NCOA7: variants seen among roughly 807,000 people sequenced by gnomAD.
The protein encoded by NCOA7 is 140 kDa estrogen receptor-associated protein.
NCOA7 carries 45 observed loss-of-function variants against 104.3 expected under a neutral mutation model. That is an observed-to-expected ratio of 0.43 (90% CI 0.34 to 0.55). NCOA7 has a LOEUF of 0.55. Among genes scored for constraint, NCOA7 ranks in the 20% least tolerant of loss-of-function variants. NCOA7 has a pLI of 0.02. For missense variants in NCOA7, 1,041 were observed against 1,119.7 expected, an observed-to-expected ratio of 0.93 and a Z score of 1.00; for synonymous variants, 398 against 402.3, an observed-to-expected ratio of 0.99 and a Z score of 0.13.
chr6:125,920,814 T>A, intron 11 of NCOA7, 129 bp from the exon 12 acceptor site: 1 of 1,184,400 alleles, frequency 8.4e-7, no homozygotes, highest in Admixed American at 2.5e-5. Flanking sequence ...CCCAAAGTCC[T>A]GTTCAGTTGA....
intron 1 of NCOA7, among the ~76,000 whole-genome samples, chr6:125,791,304 T>TG (rs1432097939): frequency 6.6e-6 from 1 of 152,018 alleles, no homozygotes; most frequent in African/African-American, 2.4e-5. Context: ...GCCCACCCCT[T>TG]GGGGGGCTCG....
chr6:125,875,124 C>G (rs779715212), intron 4 of NCOA7, 156 bp downstream of exon 4: 18 of 523,602 alleles, frequency 3.4e-5, no homozygotes, highest in Non-Finnish European at 6.2e-5. Flanking sequence ...TCTTTTTCCT[C>G]CATATTTTCT....
chr6:125,881,268 A>T, intron 6 of NCOA7, 65 bp downstream of exon 6: 4 of 1,178,404 alleles, frequency 3.4e-6, no homozygotes, highest in African/African-American at 3.0e-5. Context: ...GTAGAATTCA[A>T]CATGTTATTT....
At chr6:125,805,203 C>T (rs981061834) in intron 1 of NCOA7, among the ~76,000 whole-genome samples, 1 of 142,414 alleles carries the variant, frequency 7.0e-6, no homozygotes, top group Admixed American at 7.5e-5. Flanking sequence ...TCAAGCAATT[C>T]TCCTGCCTCA....
intron 1 of NCOA7, among the ~76,000 whole-genome samples, chr6:125,782,656 G>A (rs756078328): frequency 9.9e-5 from 15 of 152,080 alleles, no homozygotes; most frequent in Admixed American, 7.2e-4. Context: ...CAGAAAGTTC[G>A]TCAATTTAAA....
chr6:125,790,328 G>A (rs1774709412), upstream of NCOA7, among the ~76,000 whole-genome samples: 1 of 152,266 alleles, frequency 6.6e-6, no homozygotes, highest in African/African-American at 2.4e-5. Context: ...AAGAGTAGGG[G>A]CCAGGCGGGC....
At chr6:125,816,306 G>C (rs1167255708) in intron 2 of NCOA7, among the ~76,000 whole-genome samples, 1 of 152,190 alleles carries the variant, frequency 6.6e-6, no homozygotes, top group African/African-American at 2.4e-5. Flanking sequence ...TATGTACTGA[G>C]TGTTTTACTT....
intron 3 of NCOA7, among the ~76,000 whole-genome samples, chr6:125,857,217 G>T (rs2128622127): frequency 6.6e-6 from 1 of 152,158 alleles, no homozygotes; most frequent in Admixed American, 6.5e-5. Flanking sequence ...AGAGGAAGAG[G>T]ATTAAGGAAA....
chr6:125,871,111 A>G (rs1782853471), intron 3 of NCOA7, among the ~76,000 whole-genome samples: 1 of 152,208 alleles, frequency 6.6e-6, no homozygotes, highest in South Asian at 2.1e-4. Flanking sequence ...TTCCCTTGGC[A>G]GTAGATACTT....
intron 11 of NCOA7, 36 bp from the exon 12 acceptor site, chr6:125,920,907 A>G (rs527592734): frequency 3.7e-5 from 60 of 1,604,768 alleles, no homozygotes; most frequent in East Asian, 9.0e-5. Context: ...AGAAAAGCCA[A>G]TAAGTTATTT....
intron 10 of NCOA7, among the ~76,000 whole-genome samples, chr6:125,891,794 C>G (rs1784643195): frequency 6.6e-6 from 1 of 152,058 alleles, no homozygotes; most frequent in African/African-American, 2.4e-5. Context: ...AATGAATTTG[C>G]TAATAGCTTT....
intron 2 of NCOA7, among the ~76,000 whole-genome samples, chr6:125,823,319 T>C (rs748014230): frequency 6.6e-6 from 1 of 152,244 alleles, no homozygotes; most frequent in Non-Finnish European, 1.5e-5. Flanking sequence ...TTCTTTAATG[T>C]AGGATATAAA....
At position 125,813,204 on chromosome 6, in the gene NCOA7, C is replaced by T. The variant is rs146258877; in HGVS notation, c.-64-2087C>T. On this transcript the variant is annotated intron_variant, in intron 1 of 15. Coordinates refer to ENST00000392477, the MANE Select transcript of NCOA7 (RefSeq NM_181782.5). ...TTGGTAATGGCTCTGCAAATGCTGC[C>T]GCTGGGTTCAGCATGAGCAATTGAT... is the stretch of plus-strand genomic sequence containing the variant. Among the ~76,000 whole-genome samples, 647 of 152,234 alleles carry T rather than the reference C, an allele frequency of 4.3e-3. 1 individual carries two copies. The highest frequency in any genetic ancestry group is 0.014 in the Middle Eastern group (4 of 294).
rs375635896 is a variant in NCOA7 at position 125,797,529 on chromosome 6, C to G, written c.-65+6462C>G. On this transcript the variant is annotated intron_variant, in intron 1 of 15. Transcript: ENST00000392477. ...GAGATGAATCCAAAGGTCTGAGATC[C>G]CTTAAGAGCTTTCATGTTTCTTCTG... Among the ~76,000 whole-genome samples the G allele has an allele frequency of 1.3e-5, 2 of 152,098 alleles. 1 individual carries two copies. Among genetic ancestry groups the G allele is most frequent in the South Asian group, 4.1e-4 (2 of 4,824 alleles).
chr6:125,808,783 G>T (rs1388012448), intron 1 of NCOA7, among the ~76,000 whole-genome samples: 1 of 152,200 alleles, frequency 6.6e-6, no homozygotes, highest in Admixed American at 6.5e-5. Flanking sequence ...TCATTTGCAT[G>T]TTCTTTTCTA....
At chr6:125,872,413 C>A (rs935475023) in intron 3 of NCOA7, among the ~76,000 whole-genome samples, 1 of 152,126 alleles carries the variant, frequency 6.6e-6, no homozygotes, top group African/African-American at 2.4e-5. Flanking sequence ...ATTGTGGGCT[C>A]TAGAAATAGG....
chr6:125,835,464 G>A (rs59330522), intron 2 of NCOA7, among the ~76,000 whole-genome samples: 1 of 152,198 alleles, frequency 6.6e-6, no homozygotes, highest in East Asian at 1.9e-4. Context: ...AGGAATGCCT[G>A]GATTTGGGAC....
rs562790829 is a variant in NCOA7, at chr6:125,882,750, T to G, written c.699+199T>G. On this transcript the variant is annotated intron_variant, in intron 7 of 15. Coordinates refer to ENST00000392477, the MANE Select transcript of NCOA7 (RefSeq NM_181782.5). Reference sequence around the variant, plus strand: ...GGTAAATGTTGTCACTGAGTGGAAATGTGATTCTTTGTGATCTTGGATTTA... The same window carrying G: ...GGTAAATGTTGTCACTGAGTGGAAAGGTGATTCTTTGTGATCTTGGATTTA... 2.3e-5 allele frequency: 14 copies of G among 602,282 alleles called. No homozygotes were observed. The East Asian group carries it at 3.9e-4, about 17-fold the overall frequency. 37.3% of individuals were successfully genotyped at this position (602,282 alleles called of 1,614,324 possible).
At chr6:125,912,509 T>G (rs992155855) in intron 10 of NCOA7, among the ~76,000 whole-genome samples, 1 of 152,212 alleles carries the variant, frequency 6.6e-6, no homozygotes, top group Non-Finnish European at 1.5e-5. Context: ...GTGTCATCAC[T>G]ATTGTATGGA....
Sources: allele counts gnomAD v4.1 joint callset (sites outside exome capture counted in the v4.1 genomes callset), GRCh38; gene constraint gnomAD v4.1.1; transcripts MANE v1.5; gene names NCBI Gene and HGNC (gene_info 2026-07-23, HGNC 2026-07-21).